SMAP1: variants seen among roughly 807,000 people sequenced by gnomAD.
The protein encoded by SMAP1 is stromal membrane-associated protein 1.
Under a neutral mutation model 58.5 loss-of-function variants are expected in SMAP1, and 24 were observed. The ratio of observed to expected loss-of-function variants is 0.41; its 90% CI spans 0.30 to 0.58. The LOEUF is 0.58. SMAP1 is among the 20% of genes least tolerant of loss of function. SMAP1 has a pLI of 0.29. For missense variants in SMAP1, 563 were observed against 566.3 expected (o/e 0.99, Z 0.06); for synonymous variants, 216 against 196.6 (o/e 1.10, Z -0.82).
intron 2 of SMAP1, among the ~76,000 whole-genome samples, chr6:70,740,267 A>T (rs956254174): frequency 1.3e-5 from 2 of 152,174 alleles, no homozygotes; most frequent in Admixed American, 1.3e-4. Context: ...AATGTTTAAA[A>T]ACAAGGCCAT....
At chr6:70,772,801 AG>A (rs1767386308) in intron 3 of SMAP1, 1 of 152,302 alleles carries the variant, frequency 6.6e-6, no homozygotes, top group East Asian at 1.9e-4. Context: ...TGATGTGCCC[AG>A]GGACAGCATA....
At chr6:70,788,969 T>G (rs1261608237) in intron 4 of SMAP1, among the ~76,000 whole-genome samples, 1 of 152,180 alleles carries the variant, frequency 6.6e-6, no homozygotes, top group Non-Finnish European at 1.5e-5. Flanking sequence ...ATTGATGATT[T>G]CCTACTAGAG....
At chr6:70,687,144 A>G (rs762530892) in intron 1 of SMAP1, among the ~76,000 whole-genome samples, 2 of 152,192 alleles carry the variant, frequency 1.3e-5, no homozygotes, top group Non-Finnish European at 2.9e-5. Context: ...GCTAGGAGCT[A>G]ATGTATTGGA....
intron 4 of SMAP1, among the ~76,000 whole-genome samples, chr6:70,787,028 C>T (rs1248148255): frequency 1.3e-5 from 2 of 152,174 alleles, no homozygotes; most frequent in African/African-American, 4.8e-5. Flanking sequence ...CTGGAGGCAT[C>T]ACGCTACCTG....
At chr6:70,698,766 T>C (rs983842215) in intron 1 of SMAP1, among the ~76,000 whole-genome samples, 2 of 152,190 alleles carry the variant, frequency 1.3e-5, no homozygotes, top group African/African-American at 4.8e-5. Flanking sequence ...TTGTTAAATT[T>C]ATCCGATAGA....
chr6:70,771,173 C>T (rs1422764466), intron 3 of SMAP1, among the ~76,000 whole-genome samples: 3 of 152,196 alleles, frequency 2.0e-5, no homozygotes, highest in Admixed American at 6.5e-5. Context: ...GGGGGTGCCT[C>T]CCAGTTAGGC....
At chr6:70,745,017 GTTGT>G (rs1439886192) in intron 2 of SMAP1, among the ~76,000 whole-genome samples, 6 of 152,172 alleles carry the variant, frequency 3.9e-5, no homozygotes, top group African/African-American at 1.2e-4. Flanking sequence ...TTTTGATGGG[GTTGT>G]TTGTTTTTTC....
chr6:70,691,133 A>G (rs1046846132), intron 1 of SMAP1, among the ~76,000 whole-genome samples: 5 of 152,116 alleles, frequency 3.3e-5, no homozygotes, highest in Non-Finnish European at 5.9e-5. Flanking sequence ...GTATCTGTAG[A>G]ATCTGTAGTA....
chr6:70,695,018 T>C (rs1038323701), intron 1 of SMAP1, among the ~76,000 whole-genome samples: 3 of 152,084 alleles, frequency 2.0e-5, no homozygotes, highest in African/African-American at 7.2e-5. Flanking sequence ...TCCATTTCTT[T>C]TCAAGTTTAT....
chr6:70,828,341 T>C (rs938032652), intron 6 of SMAP1, among the ~76,000 whole-genome samples: 1 of 152,220 alleles, frequency 6.6e-6, no homozygotes, highest in African/African-American at 2.4e-5. Context: ...GTTAAACCTA[T>C]GAAGATTTCA....
At chr6:70,784,199 A>G (rs1422318951) in intron 4 of SMAP1, among the ~76,000 whole-genome samples, 1 of 152,172 alleles carries the variant, frequency 6.6e-6, no homozygotes, top group Non-Finnish European at 1.5e-5. Flanking sequence ...ATCCAGCCAA[A>G]CTAAGCTTCA....
chr6:70,719,613 C>T (rs933756005), intron 1 of SMAP1, among the ~76,000 whole-genome samples: 2 of 152,098 alleles, frequency 1.3e-5, no homozygotes, highest in South Asian at 2.1e-4. Flanking sequence ...CTGTTAAAGA[C>T]GTACCCGAGA....
intron 2 of SMAP1, among the ~76,000 whole-genome samples, chr6:70,746,729 A>G (rs2149879541): frequency 6.6e-6 from 1 of 152,276 alleles, no homozygotes; most frequent in East Asian, 1.9e-4. Flanking sequence ...ATTGATTGGA[A>G]TAGTTTCAGA....
At chr6:70,852,690 A>T in intron 8 of SMAP1, 26 bp downstream of exon 8, 1 of 1,532,994 alleles carries the variant, frequency 6.5e-7, no homozygotes, top group South Asian at 1.3e-5. Context: ...ATGGTTTTAT[A>T]TGGTCACTGC....
At chr6:70,806,663 G>T (rs78203493) in intron 6 of SMAP1, among the ~76,000 whole-genome samples, 1 of 152,178 alleles carries the variant, frequency 6.6e-6, no homozygotes, top group Non-Finnish European at 1.5e-5. Context: ...GAAGATGCTC[G>T]ATAGGGATTA....
At chr6:70,831,126 T>G (rs1462991603) in intron 6 of SMAP1, among the ~76,000 whole-genome samples, 1 of 152,204 alleles carries the variant, frequency 6.6e-6, no homozygotes, top group Admixed American at 6.5e-5. Context: ...CCTAGTCCAA[T>G]AGCTGAGGCC....
intron 6 of SMAP1, among the ~76,000 whole-genome samples, chr6:70,804,059 C>T (rs552554310): frequency 1.3e-5 from 2 of 152,130 alleles, no homozygotes; most frequent in African/African-American, 2.4e-5. Flanking sequence ...CCTTCTGTCT[C>T]GTTGATCTGT....
intron 6 of SMAP1, among the ~76,000 whole-genome samples, chr6:70,824,824 T>C (rs1770045220): frequency 6.6e-6 from 1 of 152,238 alleles, no homozygotes; most frequent in South Asian, 2.1e-4. Flanking sequence ...CTTTTTTCTT[T>C]CTCTGTCATC....
chr6:70,760,847 A>G (rs1438674139), intron 3 of SMAP1, among the ~76,000 whole-genome samples: 1 of 152,132 alleles, frequency 6.6e-6, no homozygotes, highest in Admixed American at 6.6e-5. Flanking sequence ...AGCTGCTGTG[A>G]AAGTGTAATT....
Sources: gnomAD v4.1 joint callset for allele counts (sites outside exome capture counted in the v4.1 genomes callset) on GRCh38, gnomAD v4.1.1 for gene constraint, MANE v1.5 for transcripts, NCBI Gene and HGNC (gene_info 2026-07-23, HGNC 2026-07-21) for gene names.